Variants in AGO2 observed in about 807,000 individuals in gnomAD.
AGO2 encodes the protein argonaute RISC catalytic component 2.
A neutral mutation model predicts 102.3 loss-of-function variants in AGO2; 5 were observed. That is an observed-to-expected ratio of 0.05 (90% CI 0.03 to 0.10). The LOEUF (loss-of-function observed/expected upper bound fraction) is 0.10. AGO2 is among the 10% of genes least tolerant of loss of function. AGO2 has a pLI of 1.00. For synonymous variants in AGO2, 449 were observed against 473.1 expected (o/e 0.95, Z 0.66); for missense variants, 541 against 1,183.7 (o/e 0.46, Z 7.97).
At position 140,612,115 on chromosome 8, in the gene AGO2, C is replaced by T. The variant is rs527511469; in HGVS notation, c.22+23370G>A. On this transcript the variant is annotated intron_variant, in intron 1 of 18. Transcript: ENST00000220592. The stretch of plus-strand genomic sequence containing the variant: ...GCGGGCGCCTGTCGTCCCAGCTACT[C>T]GGGAGGCTGAGGCAGGAGAATCGCT... 6.1e-3 allele frequency among the ~76,000 whole-genome samples: 921 copies of T among 150,620 alleles called. 4 individuals are homozygous for T. The highest frequency in any genetic ancestry group is 0.017 in the Middle Eastern group (5 of 290).
chr8:140,570,505 C>T (rs1001060753), intron 3 of AGO2, among the ~76,000 whole-genome samples: 1 of 152,196 alleles, frequency 6.6e-6, no homozygotes, highest in Non-Finnish European at 1.5e-5. Context: ...GCTGGGATTA[C>T]AGGCATGAGC....
At chr8:140,546,321 C>G (rs569885388) in intron 13 of AGO2, among the ~76,000 whole-genome samples, 20 of 152,340 alleles carry the variant, frequency 1.3e-4, no homozygotes, top group Admixed American at 8.5e-4. Context: ...AACCTGGTCC[C>G]CCATGTGGCA....
intron 16 of AGO2, among the ~76,000 whole-genome samples, chr8:140,538,289 A>T (rs909868521): frequency 3.3e-5 from 5 of 152,146 alleles, no homozygotes; most frequent in Admixed American, 6.5e-5. Context: ...CAAGTAGATG[A>T]TAACCCTCTG....
In AGO2 at chr8:140,539,541, A is replaced by C. The variant is rs1588438268; in HGVS notation, c.2035-87T>G. 2.7e-6 allele frequency: 4 copies of C among 1,459,828 alleles called. No individual in the cohort carries two copies. The highest frequency in any genetic ancestry group is 9.3e-7 in the Non-Finnish European group (1 of 1,075,424). 90.4% of individuals were successfully genotyped at this position (1,459,828 alleles called of 1,614,324 possible). ...CACGTGCGGGTTCTGGGTTGAGAACACCCAGCCGTGGTGATTCTGAGAGAC... is the reference window on the plus strand; with the variant it reads ...CACGTGCGGGTTCTGGGTTGAGAACCCCCAGCCGTGGTGATTCTGAGAGAC... On this transcript the variant is annotated intron_variant, in intron 15 of 18. Coordinates refer to ENST00000220592, the MANE Select transcript of AGO2 (RefSeq NM_012154.5). The surrounding 1 kb of genome is among the most constrained non-coding windows in gnomAD (Gnocchi z 4.7).
intron 1 of AGO2, among the ~76,000 whole-genome samples, chr8:140,632,791 A>G (rs2074357709): frequency 6.6e-6 from 1 of 152,182 alleles, no homozygotes; most frequent in South Asian, 2.1e-4. Flanking sequence ...ACGTCACAGC[A>G]TTTGTTTGTG....
rs371072076 is a variant in AGO2 at position 140,572,804 on chromosome 8, G to A, written c.336+8C>T. 28 of 1,608,106 alleles carry A rather than the reference G, an allele frequency of 1.7e-5. No homozygotes were observed. The highest frequency in any genetic ancestry group is 1.3e-4 in the African/African-American group (10 of 74,682). ...GTTACTCCACCAAGGGCATCCCGGC[G>A]AGCTTACCTTGTCCCTCCCAATCGG... On this transcript the variant is annotated splice_region_variant and intron_variant, in intron 3 of 18. Transcript: ENST00000220592.
Position 140,549,301 on chromosome 8 carries a change from G to T in AGO2, c.1404-3C>A. ...TTCTGAGCTGCTCTGTGAAGGACCT[G>T]CAGGAGAAGGCTCCGTTCACTACCG... On this transcript the variant is annotated splice_region_variant and splice_polypyrimidine_tract_variant and intron_variant, in intron 11 of 18. Transcript: ENST00000220592. 1.3e-6 allele frequency: 2 copies of T among 1,586,096 alleles called. No homozygotes were observed. The highest frequency in any genetic ancestry group is 1.7e-6 in the Non-Finnish European group (2 of 1,159,804).
chr8:140,614,849 C>T (rs2074120741), intron 1 of AGO2, among the ~76,000 whole-genome samples: 1 of 152,224 alleles, frequency 6.6e-6, no homozygotes, highest in Non-Finnish European at 1.5e-5. Flanking sequence ...GCCGTGCCCT[C>T]GGTAACTGCT....
At chr8:140,600,776 C>T (rs190488298) in intron 1 of AGO2, among the ~76,000 whole-genome samples, 62 of 152,150 alleles carry the variant, frequency 4.1e-4, no homozygotes, top group African/African-American at 1.4e-3. Flanking sequence ...GCTGGCGCCA[C>T]GTCCGTCCTA....
chr8:140,527,510 G>A lies in AGO2; in HGVS notation c.*4534C>T, dbSNP rs1010242371. 2.6e-5 allele frequency: 4 copies of A among 152,712 alleles called. No homozygotes were observed. Among genetic ancestry groups the A allele is most frequent in the East Asian group, 4.0e-4 (2 of 4,958 alleles). 9.5% of individuals were successfully genotyped at this position (152,712 alleles called of 1,614,324 possible). On this transcript the variant is annotated 3_prime_UTR_variant, in exon 19 of 19. Transcript: ENST00000220592. The surrounding 1 kb of genome is among the most constrained non-coding windows in gnomAD (Gnocchi z 6.0). ...ATTTTCCTCATAAAAAAGAGTCAGC[G>A]TGTGTGTGTGTAACAGGGGCACCCC...
At chr8:140,629,315 G>C (rs1409905273) in intron 1 of AGO2, among the ~76,000 whole-genome samples, 3 of 152,022 alleles carry the variant, frequency 2.0e-5, no homozygotes, top group Non-Finnish European at 2.9e-5. Context: ...GAAGACTAAG[G>C]ATTCGTGGGG....
intron 1 of AGO2, among the ~76,000 whole-genome samples, chr8:140,626,094 C>T (rs1294811158): frequency 1.4e-5 from 2 of 139,474 alleles, no homozygotes; most frequent in African/African-American, 2.8e-5. Flanking sequence ...CTAGTTCCAC[C>T]GGCTTCAGCT....
intron 3 of AGO2, among the ~76,000 whole-genome samples, chr8:140,563,659 G>A (rs1360122695): frequency 2.0e-5 from 3 of 152,262 alleles, no homozygotes; most frequent in Non-Finnish European, 2.9e-5. Context: ...CTCCATGTGT[G>A]ATGCCAGGGT....
chr8:140,535,330 T>A, intron 17 of AGO2, 138 bp downstream of exon 17: 1 of 845,290 alleles, frequency 1.2e-6, no homozygotes, highest in Non-Finnish European at 1.9e-6. Context: ...CAGCCTGGGC[T>A]CCCCGGTTCC....
intron 11 of AGO2, among the ~76,000 whole-genome samples, chr8:140,550,404 G>C (rs531863168): frequency 5.9e-5 from 9 of 152,180 alleles, no homozygotes; most frequent in Non-Finnish European, 1.2e-4. Context: ...ACACAGTCCC[G>C]CTGGGCCCGT....
At chr8:140,554,508 A>C (rs540161696) in intron 10 of AGO2, among the ~76,000 whole-genome samples, 1 of 152,336 alleles carries the variant, frequency 6.6e-6, no homozygotes, top group Non-Finnish European at 1.5e-5. Context: ...AGGCACAGAA[A>C]TATAGGTAAT....
intron 13 of AGO2, among the ~76,000 whole-genome samples, chr8:140,545,643 C>T (rs1382136303): frequency 6.6e-6 from 1 of 152,222 alleles, no homozygotes; most frequent in East Asian, 1.9e-4. Flanking sequence ...AACAGCCTCC[C>T]CGTCTAATGA....
chr8:140,547,145 G>A (rs962237271), intron 13 of AGO2, among the ~76,000 whole-genome samples: 2 of 152,206 alleles, frequency 1.3e-5, no homozygotes, highest in African/African-American at 2.4e-5. Context: ...AGCTGCTGCT[G>A]CTGCTGAGCC....
At chr8:140,588,046 C>A (rs2073684610) in intron 1 of AGO2, among the ~76,000 whole-genome samples, 1 of 152,200 alleles carries the variant, frequency 6.6e-6, no homozygotes, top group Non-Finnish European at 1.5e-5. Context: ...CAAGGATGCT[C>A]CAAGGAGTAA....
Sources: allele counts gnomAD v4.1 joint callset (sites outside exome capture counted in the v4.1 genomes callset), GRCh38; gene constraint gnomAD v4.1.1; non-coding constraint Gnocchi (gnomAD v3.1); transcripts MANE v1.5; gene names NCBI Gene and HGNC (gene_info 2026-07-23, HGNC 2026-07-21).